AOPEP: variants seen among roughly 807,000 people sequenced by gnomAD.
The protein encoded by AOPEP is aminopeptidase O (putative).
Under a neutral mutation model 98.1 loss-of-function variants are expected in AOPEP, and 77 were observed. The observed-to-expected ratio is 0.78, with a 90% CI of 0.65 to 0.95. The LOEUF (loss-of-function observed/expected upper bound fraction) is 0.95. Ranked by LOEUF, AOPEP falls within the 40% of genes least tolerant of loss-of-function variation. The pLI is 0.00. For missense variants in AOPEP, 1,024 were observed against 1,024.7 expected (o/e 1.00, Z 0.01); for synonymous variants, 346 against 365.3 (o/e 0.95, Z 0.60).
intron 1 of AOPEP, among the ~76,000 whole-genome samples, chr9:94,741,426 C>T (rs1294056309): frequency 1.3e-5 from 2 of 151,974 alleles, no homozygotes; most frequent in African/African-American, 4.8e-5. Flanking sequence ...GCGCCCGCCA[C>T]CATGCCTGGC....
chr9:94,991,469 C>T (rs1340789476), intron 11 of AOPEP, among the ~76,000 whole-genome samples: 1 of 152,196 alleles, frequency 6.6e-6, no homozygotes, highest in Admixed American at 6.5e-5. Flanking sequence ...AGTATCTGCC[C>T]AAGCTCGCAG....
chr9:94,888,294 C>CGTGTGTGTGT (rs59342995), intron 5 of AOPEP, among the ~76,000 whole-genome samples: 19,022 of 137,410 alleles, frequency 0.14, 1,549 homozygotes, highest in South Asian at 0.19. Flanking sequence ...AGAACCTTAC[C>CGTGTGTGTGT]GTGTGTGTGT....
chr9:95,004,247 G>C (rs751603572), intron 11 of AOPEP: 2 of 456,584 alleles, frequency 4.4e-6, no homozygotes, highest in Non-Finnish European at 8.8e-6. Context: ...GGCCTTTGGC[G>C]GGTGGAGGAA....
At chr9:95,096,609 C>A in the AOPEP span, among the ~76,000 whole-genome samples, 156 of 152,196 alleles carry the variant, frequency 1.0e-3, no homozygotes, top group African/African-American at 3.6e-3. Context: ...GGACAGGGTC[C>A]AGCCTCTAGG....
the AOPEP span, chr9:95,126,928 T>C: frequency 4.7e-5 from 15 of 320,840 alleles, no homozygotes; most frequent in Non-Finnish European, 9.0e-5. Flanking sequence ...GTACTGCCAG[T>C]TCTACTGAAG....
intron 6 of AOPEP, among the ~76,000 whole-genome samples, chr9:94,924,426 C>T (rs550332250): frequency 4.4e-4 from 67 of 152,214 alleles, no homozygotes; most frequent in African/African-American, 1.6e-3. Context: ...AGAAATGAGA[C>T]CCATAGAGGG....
chr9:94,850,849 T>C (rs2043465312), intron 5 of AOPEP, among the ~76,000 whole-genome samples: 1 of 152,214 alleles, frequency 6.6e-6, no homozygotes, highest in African/African-American at 2.4e-5. Flanking sequence ...AAAGATTGGG[T>C]TAGGCAGGGA....
At chr9:94,764,923 G>A (rs1839205437) in intron 2 of AOPEP, among the ~76,000 whole-genome samples, 1 of 151,984 alleles carries the variant, frequency 6.6e-6, no homozygotes, top group Non-Finnish European at 1.5e-5. Flanking sequence ...ACCCAGGGTG[G>A]AGAGCAGTGG....
chr9:94,797,260 C>T (rs1355552575), intron 4 of AOPEP, among the ~76,000 whole-genome samples: 6 of 152,042 alleles, frequency 3.9e-5, no homozygotes, highest in African/African-American at 4.8e-5. Context: ...GGTGAAACCC[C>T]GTCTCTACTA....
At position 94,981,958 on chromosome 9, in the gene AOPEP, A is replaced by G. The variant is rs185430050; in HGVS notation, c.1977+2531A>G. ...TCCTTTTTGGCTACGTTGAATGGAAATCATTTTTAAAAAGTGGAAATAGCT... is the reference window on the plus strand; with the variant it reads ...TCCTTTTTGGCTACGTTGAATGGAAGTCATTTTTAAAAAGTGGAAATAGCT... On this transcript the variant is annotated intron_variant, in intron 11 of 16. Transcript: ENST00000375315. Among the ~76,000 whole-genome samples the G allele has an allele frequency of 3.7e-3, 559 of 152,306 alleles. 12 individuals carry two copies. Among genetic ancestry groups the G allele is most frequent in the Non-Finnish European group, 1.2e-3 (82 of 68,036 alleles).
chr9:94,985,264 T>C (rs572165821), intron 11 of AOPEP, among the ~76,000 whole-genome samples: 6 of 152,382 alleles, frequency 3.9e-5, no homozygotes, highest in Non-Finnish European at 7.3e-5. Flanking sequence ...ACAGGTTATT[T>C]TGTCATCTTG....
intron 11 of AOPEP, among the ~76,000 whole-genome samples, chr9:95,003,436 C>T (rs1030796581): frequency 6.6e-6 from 1 of 152,106 alleles, no homozygotes; most frequent in Non-Finnish European, 1.5e-5. Context: ...TTCTGGGGAT[C>T]GTGAACTCCC....
rs537676251 is a variant in AOPEP at position 94,859,209 on chromosome 9, G to A, written c.1364+58207G>A. Among the ~76,000 whole-genome samples, 4 of 152,160 alleles carry A rather than the reference G, an allele frequency of 2.6e-5. No homozygotes were observed. In the South Asian group the frequency reaches 8.3e-4, roughly 32 times the overall value. ...GCAGTCATCTGCAAACCAGAAAGAG[G>A]GTCTTCAATAAGAACCTGACCGTGC... On this transcript the variant is annotated intron_variant, in intron 5 of 16. Coordinates refer to ENST00000375315, the MANE Select transcript of AOPEP (RefSeq NM_001193329.3).
Position 94,932,944 on chromosome 9 carries a change from C to G in AOPEP, c.1661+4413C>G, listed in dbSNP as rs2055605047. Reference sequence around the variant, plus strand: ...GTAATGTGGCTACAGGCTTCTGAGGCAAGACGATTTGCTCAGTTTCAAAAT... The same window carrying G: ...GTAATGTGGCTACAGGCTTCTGAGGGAAGACGATTTGCTCAGTTTCAAAAT... On this transcript the variant is annotated intron_variant, in intron 7 of 16. Coordinates refer to ENST00000375315, the MANE Select transcript of AOPEP (RefSeq NM_001193329.3). 6.1e-6 allele frequency: 6 copies of G among 985,412 alleles called. No individual in the cohort carries two copies. The South Asian group carries it at 2.8e-4, about 46-fold the overall frequency. 61.0% of individuals were successfully genotyped at this position (985,412 alleles called of 1,614,324 possible).
At chr9:94,987,589 C>T (rs1012744386) in intron 11 of AOPEP, among the ~76,000 whole-genome samples, 5 of 152,200 alleles carry the variant, frequency 3.3e-5, no homozygotes, top group Admixed American at 2.0e-4. Flanking sequence ...ATTCAGCCTC[C>T]TTCTCATTCT....
In AOPEP at chr9:94,800,746, GTTAT is replaced by G. The variant is rs768536063; in HGVS notation, c.1119-9_1119-6del. The G allele has an allele frequency of 1.8e-5, 29 of 1,613,316 alleles. No individual in the cohort carries two copies. The highest frequency in any genetic ancestry group is 2.4e-5 in the Non-Finnish European group (28 of 1,179,422). ...AAACATGTTTTACCATTTATTTTGT[GTTAT>G]TCCCAGGCATGTTGGTGTTTGCAGT... On this transcript the variant is annotated splice_polypyrimidine_tract_variant and splice_region_variant and intron_variant, in intron 4 of 16. Transcript: ENST00000375315.
At chr9:95,005,032 C>T in intron 11 of AOPEP, 126 bp from the exon 12 acceptor site, 1 of 281,224 alleles carries the variant, frequency 3.6e-6, no homozygotes, top group East Asian at 1.5e-4. Context: ...CGGGCTCCGG[C>T]GCCGCCGCTG....
At chr9:95,109,814 A>C in the AOPEP span, 1 of 152,228 alleles carries the variant, frequency 6.6e-6, no homozygotes, top group Non-Finnish European at 1.5e-5. Context: ...TCACATACGA[A>C]TCATGCTTTC....
chr9:95,007,912 A>G (rs774229837), intron 13 of AOPEP, among the ~76,000 whole-genome samples: 2 of 152,230 alleles, frequency 1.3e-5, no homozygotes, highest in Non-Finnish European at 2.9e-5. Context: ...TGTTATTAGT[A>G]GGAGCCGACG....
Sources: gnomAD v4.1 joint callset for allele counts (sites outside exome capture counted in the v4.1 genomes callset) on GRCh38, gnomAD v4.1.1 for gene constraint, MANE v1.5 for transcripts, NCBI Gene and HGNC (gene_info 2026-07-23, HGNC 2026-07-21) for gene names.